Variants in STX17 observed in about 807,000 individuals in gnomAD.
STX17 encodes syntaxin-17.
A neutral mutation model predicts 35.9 loss-of-function variants in STX17; 29 were observed. The ratio of observed to expected loss-of-function variants is 0.81; its 90% CI spans 0.60 to 1.10. The LOEUF (loss-of-function observed/expected upper bound fraction) is 1.10. Among genes scored for constraint, STX17 ranks in the 50% least tolerant of loss-of-function variants. The pLI, the probability that STX17 is intolerant of heterozygous loss-of-function variation, is 0.00. For missense variants in STX17, 312 were observed against 352.3 expected, an observed-to-expected ratio of 0.89 and a Z score of 0.92; for synonymous variants, 92 against 118.3, an observed-to-expected ratio of 0.78 and a Z score of 1.44.
intron 1 of STX17, among the ~76,000 whole-genome samples, chr9:99,914,910 T>C (rs1201072985): frequency 6.6e-6 from 1 of 152,202 alleles, no homozygotes; most frequent in Non-Finnish European, 1.5e-5. Flanking sequence ...GTACATTTTG[T>C]ACTCTTTGTA....
intron 2 of STX17, among the ~76,000 whole-genome samples, chr9:99,923,594 C>A (rs914862007): frequency 4.6e-5 from 7 of 152,158 alleles, no homozygotes; most frequent in African/African-American, 1.4e-4. Flanking sequence ...CAGACCCTAG[C>A]TTAGGTATCT....
intron 3 of STX17, among the ~76,000 whole-genome samples, chr9:99,933,229 A>G (rs950347355): frequency 6.6e-6 from 1 of 152,150 alleles, no homozygotes; most frequent in Non-Finnish European, 1.5e-5. Context: ...TGTAATTCCA[A>G]AGATGCATGT....
At chr9:99,935,598 G>A (rs888540658) in intron 3 of STX17, among the ~76,000 whole-genome samples, 1 of 152,108 alleles carries the variant, frequency 6.6e-6, no homozygotes, top group African/African-American at 2.4e-5. Flanking sequence ...CATCTGTGGC[G>A]GTGGCAAGTG....
At chr9:99,938,425 A>G (rs1829281426) in intron 3 of STX17, among the ~76,000 whole-genome samples, 1 of 152,204 alleles carries the variant, frequency 6.6e-6, no homozygotes, top group Non-Finnish European at 1.5e-5. Flanking sequence ...ATTTGAAACT[A>G]AATGAGAGTT....
intron 1 of STX17, chr9:99,906,975 T>G (rs2118271615): frequency 6.6e-6 from 1 of 152,368 alleles, no homozygotes; most frequent in Non-Finnish European, 1.5e-5. Context: ...TGGAAAAGTT[T>G]CCGGCGCGCG....
At chr9:99,925,070 T>A (rs1167088165) in intron 2 of STX17, among the ~76,000 whole-genome samples, 1 of 152,198 alleles carries the variant, frequency 6.6e-6, no homozygotes, top group Non-Finnish European at 1.5e-5. Flanking sequence ...TTTCCCTCTT[T>A]CTTTTGGATT....
intron 3 of STX17, among the ~76,000 whole-genome samples, chr9:99,948,398 A>T (rs1459566941): frequency 4.6e-5 from 7 of 152,126 alleles, no homozygotes; most frequent in African/African-American, 1.7e-4. Context: ...AAAAATTTTT[A>T]AATTACATAT....
At chr9:99,919,091 C>T (rs1828842101) in intron 2 of STX17, among the ~76,000 whole-genome samples, 1 of 152,176 alleles carries the variant, frequency 6.6e-6, no homozygotes, top group Admixed American at 6.5e-5. Context: ...TCTCTAGCCT[C>T]TCCAGAGGCT....
intron 3 of STX17, 66 bp from the exon 4 acceptor site, chr9:99,950,994 T>C: frequency 7.4e-7 from 1 of 1,348,720 alleles, no homozygotes; most frequent in African/African-American, 1.5e-5. Flanking sequence ...ATTATAACAT[T>C]ACTTCTGAAA....
chr9:99,951,380 C>T (rs1325741238), intron 4 of STX17, 95 bp downstream of exon 4: 10 of 1,105,338 alleles, frequency 9.0e-6, no homozygotes, highest in Non-Finnish European at 1.3e-5. Context: ...TATAGGTCTT[C>T]AGAGACCATT....
intron 2 of STX17, among the ~76,000 whole-genome samples, chr9:99,925,421 G>A (rs10124366): frequency 0.76 from 114,883 of 151,958 alleles, 43,678 homozygotes; most frequent in African/African-American, 0.83. Flanking sequence ...ATTTACATAT[G>A]TATCCGTATG....
At chr9:99,967,936 T>G (rs1283311049) in intron 7 of STX17, among the ~76,000 whole-genome samples, 197 bp downstream of exon 7, 2 of 152,218 alleles carry the variant, frequency 1.3e-5, no homozygotes, top group African/African-American at 4.8e-5. Context: ...GGAGAGGAAT[T>G]TCTTCAAAGA....
intron 3 of STX17, among the ~76,000 whole-genome samples, chr9:99,947,315 C>G (rs1185745056): frequency 6.6e-6 from 1 of 152,064 alleles, no homozygotes; most frequent in African/African-American, 2.4e-5. Flanking sequence ...TTCCAATTGT[C>G]TGCTAAATTT....
At chr9:99,958,678 A>G (rs971759645) in intron 4 of STX17, among the ~76,000 whole-genome samples, 2 of 152,206 alleles carry the variant, frequency 1.3e-5, no homozygotes, top group Non-Finnish European at 2.9e-5. Flanking sequence ...AACTGTTTTT[A>G]TGGTTTGCCA....
chr9:99,954,561 G>A (rs192719846), intron 4 of STX17, among the ~76,000 whole-genome samples: 12 of 152,160 alleles, frequency 7.9e-5, no homozygotes, highest in Admixed American at 5.9e-4. Flanking sequence ...TCTTCTAGCT[G>A]TAGACTGTTT....
At chr9:99,907,217 G>T (rs911428174) in intron 1 of STX17, 5 of 152,168 alleles carry the variant, frequency 3.3e-5, no homozygotes, top group African/African-American at 1.2e-4. Flanking sequence ...GTTGGCAGAA[G>T]GTCCCACACC....
At chr9:99,965,943 T>A (rs1252345314) in intron 6 of STX17, among the ~76,000 whole-genome samples, 4 of 152,198 alleles carry the variant, frequency 2.6e-5, no homozygotes, top group Non-Finnish European at 4.4e-5. Context: ...TACCAACACC[T>A]AGAGAGCTTG....
chr9:99,911,434 T>C (rs1828662458), intron 1 of STX17, among the ~76,000 whole-genome samples: 2 of 152,194 alleles, frequency 1.3e-5, no homozygotes, highest in South Asian at 4.1e-4. Context: ...ATTCCATATC[T>C]TGGCTATTGT....
In STX17 at chr9:99,941,990, C is replaced by T. The variant is rs78205614; in HGVS notation, c.190-9070C>T. Among the ~76,000 whole-genome samples, 555 of 152,290 alleles carry T rather than the reference C, an allele frequency of 3.6e-3. 3 individuals are homozygous for T. Among genetic ancestry groups the T allele is most frequent in the African/African-American group, 0.012 (519 of 41,564 alleles). ...ATTTCTGTTGAGTATATTCCTAGGA[C>T]AGGAATTGTTGGTTCCTTCAGCATA... On this transcript the variant is annotated intron_variant, in intron 3 of 7. Transcript: ENST00000259400.
Sources: allele counts gnomAD v4.1 joint callset (sites outside exome capture counted in the v4.1 genomes callset), GRCh38; gene constraint gnomAD v4.1.1; transcripts MANE v1.5; gene names NCBI Gene and HGNC (gene_info 2026-07-23, HGNC 2026-07-21).